The following SMIM9 variants were observed in gnomAD, a reference collection of about 807,000 sequenced individuals.
SMIM9 encodes the protein chromosome X open reading frame 68.
Under a neutral mutation model 7.2 loss-of-function variants are expected in SMIM9, and 8 were observed. The ratio of observed to expected loss-of-function variants is 1.10; its 90% CI spans 0.65 to 1.99. The LOEUF is 1.99. Among genes scored for constraint, SMIM9 ranks in the 30% most tolerant of loss-of-function variants. SMIM9 has a pLI of 0.00. For missense variants in SMIM9, 76 were observed against 69.3 expected, an observed-to-expected ratio of 1.10 and a Z score of -0.34; for synonymous variants, 19 against 26.4, an observed-to-expected ratio of 0.72 and a Z score of 0.86.
At chrX:154,825,012 T>C (rs977214674) in intron 4 of SMIM9, among the ~76,000 whole-genome samples, 3 of 112,312 alleles carry the variant, frequency 2.7e-5, no homozygotes, top group Non-Finnish European at 3.8e-5. Flanking sequence ...ATGTGCCCAG[T>C]AGCAAGTCCC....
intron 4 of SMIM9, 87 bp from the exon 5 acceptor site, chrX:154,823,869 G>A: frequency 1.1e-6 from 1 of 873,478 alleles, no homozygotes; most frequent in Non-Finnish European, 1.5e-6. Context: ...TTTGACACCA[G>A]TTTTTCTCTT....
chrX:154,825,177 C>G lies in SMIM9; in HGVS notation c.273-1395G>C, dbSNP rs782029855. On this transcript the variant is annotated intron_variant, in intron 4 of 4. Transcript: ENST00000369529. ...GGCCGAGGCGGGTGGATCACGAGAT[C>G]AGGAGTTCAAGACCAGCCTGACCAA... Among the ~76,000 whole-genome samples the G allele has an allele frequency of 1.1e-4, 12 of 111,482 alleles. No homozygotes were observed. The South Asian group carries it at 3.0e-3, about 28-fold the overall frequency.
At position 154,823,530 on chromosome X, in the gene SMIM9, G is replaced by T; in HGVS notation, c.*225C>A. The T allele has an allele frequency of 6.7e-6, 2 of 296,993 alleles. No homozygotes were observed. The highest frequency in any genetic ancestry group is 1.8e-4 in the South Asian group (1 of 5,550). The allele number at this position is 296,993 out of a possible 1,213,427, so 24.5% of individuals were successfully genotyped here. A position where few individuals can be genotyped will look rare whatever the true frequency, so the allele number is the denominator to read the frequency against. ...TCTCTGTATTTCTCAAATTTTTTTT[G>T]CAATAAATATGTATTACTATTATAA... On this transcript the variant is annotated 3_prime_UTR_variant, in exon 5 of 5. Coordinates refer to ENST00000369529, the MANE Select transcript of SMIM9 (RefSeq NM_001162936.4).
intron 4 of SMIM9, among the ~76,000 whole-genome samples, chrX:154,827,881 T>G (rs781854547): frequency 6.4e-4 from 72 of 112,004 alleles, no homozygotes; most frequent in African/African-American, 2.2e-3. Context: ...TGTCAGCTCA[T>G]TCAGAGTCTG....
intron 3 of SMIM9, 26 bp from the exon 4 acceptor site, chrX:154,829,690 T>A (rs1557270432): frequency 8.6e-7 from 1 of 1,163,203 alleles, no homozygotes; most frequent in Non-Finnish European, 1.1e-6. Context: ...AGACATTCAT[T>A]GAGGAGAGGT....
At chrX:154,827,265 T>A (rs1198759796) in intron 4 of SMIM9, 1 of 112,766 alleles carries the variant, frequency 8.9e-6, no homozygotes, top group Non-Finnish European at 1.9e-5. Context: ...ACCAGACATA[T>A]CTTGATTTGA....
rs201920434 is a variant in SMIM9 at position 154,834,200 on chromosome X, G to GAGCCC, written c.-210+358_-210+362dup. Among the ~76,000 whole-genome samples, 248 of 112,634 alleles carry GAGCCC rather than the reference G, an allele frequency of 2.2e-3. 7 individuals are homozygous for GAGCCC. In the East Asian group the frequency reaches 0.048, roughly 22 times the overall value. ...ATACACTGGAAGCCTGAAAAGAGAA[G>GAGCCC]AGCCCATGAAATGGACTAAAACCTG... is the stretch of plus-strand genomic sequence containing the variant. On this transcript the variant is annotated intron_variant, in intron 1 of 4. Transcript: ENST00000369529.
intron 4 of SMIM9, among the ~76,000 whole-genome samples, chrX:154,827,639 A>C (rs189650037): frequency 1.5e-4 from 17 of 112,794 alleles, no homozygotes; most frequent in African/African-American, 5.5e-4. Flanking sequence ...AGGAAGGTTA[A>C]GAATATAATG....
rs2072428466 is a variant in SMIM9 at position 154,827,927 on chromosome X, G to A, written c.272+1608C>T. On this transcript the variant is annotated intron_variant, in intron 4 of 4. Transcript: ENST00000369529. ...AGAGAGCTTCCATGTACTTTCTGGG[G>A]GCAGCCCACATCCAGTGAATGACTG... is the stretch of plus-strand genomic sequence containing the variant. Among the ~76,000 whole-genome samples, 3 of 111,748 alleles carry A rather than the reference G, an allele frequency of 2.7e-5. No individual in the cohort carries two copies. In the Admixed American group the frequency reaches 2.8e-4, roughly 11 times the overall value.
intron 4 of SMIM9, chrX:154,827,541 T>G (rs1026104706): frequency 3.6e-5 from 4 of 112,499 alleles, no homozygotes; most frequent in Admixed American, 9.4e-5. Flanking sequence ...TGCAAGACAT[T>G]TTATGGCTAG....
chrX:154,825,685 G>T (rs1404634095), intron 4 of SMIM9, among the ~76,000 whole-genome samples: 2 of 109,882 alleles, frequency 1.8e-5, no homozygotes, highest in Non-Finnish European at 3.8e-5. Context: ...GTCCATCAAT[G>T]ATAGACTGGA....
chrX:154,830,145 A>G (rs1361038512), intron 3 of SMIM9, among the ~76,000 whole-genome samples: 3 of 111,359 alleles, frequency 2.7e-5, no homozygotes, highest in African/African-American at 6.5e-5. Context: ...TTGCTGATCA[A>G]TGTAAGGCTG....
In SMIM9 at chrX:154,829,594, T is replaced by C. The variant is rs1557270418; in HGVS notation, c.213A>G (p.Pro71=). ...LWQLIKSALP[P]AAIVAFLLTS... is the part of the protein sequence containing the mutation. The stretch of plus-strand genomic sequence containing the variant: ...TGAGAAGAAAAGCAACAATGGCTGC[T>C]GGAGGTAAGGCACTCTTGATAAGTT... Residue 71 remains proline (P), a synonymous_variant, in exon 4 of 5, where the codon CCA becomes CCG. Coordinates refer to ENST00000369529, the MANE Select transcript of SMIM9 (RefSeq NM_001162936.4). The C allele has an allele frequency of 4.3e-6, 5 of 1,167,829 alleles. No homozygotes were observed. The highest frequency in any genetic ancestry group is 5.7e-6 in the Non-Finnish European group (5 of 872,930).
At chrX:154,825,706 G>T (rs1447458180) in intron 4 of SMIM9, among the ~76,000 whole-genome samples, 4 of 110,045 alleles carry the variant, frequency 3.6e-5, no homozygotes, top group Non-Finnish European at 7.6e-5. Context: ...TTAAGAAAAT[G>T]TGGCACATAT....
chrX:154,833,844 TCA>T (rs2072455091), intron 1 of SMIM9, among the ~76,000 whole-genome samples: 1 of 111,556 alleles, frequency 9.0e-6, no homozygotes, highest in African/African-American at 3.3e-5. Context: ...AAATGGTATC[TCA>T]GTTAGGTTCT....
At chrX:154,829,779 T>C (rs2072436857) in intron 3 of SMIM9, 115 bp from the exon 4 acceptor site, 3 of 804,975 alleles carry the variant, frequency 3.7e-6, no homozygotes, top group Non-Finnish European at 5.3e-6. Flanking sequence ...CTTACAGTTG[T>C]CCAGAGCCCA....
At chrX:154,830,601 T>G in intron 3 of SMIM9, 114 bp downstream of exon 3, 1 of 972,505 alleles carries the variant, frequency 1.0e-6, no homozygotes, top group Non-Finnish European at 1.4e-6. Context: ...CAGAATAGTT[T>G]GCTTTCCTAT....
intron 2 of SMIM9, among the ~76,000 whole-genome samples, chrX:154,831,203 C>T (rs781801601): frequency 8.9e-6 from 1 of 111,813 alleles, no homozygotes; most frequent in Non-Finnish European, 1.9e-5. Flanking sequence ...AACTCTTTCA[C>T]CTGTTCAGGC....
chrX:154,829,614 T>G lies in SMIM9; in HGVS notation c.193A>C (p.Ile65Leu). The G allele has an allele frequency of 1.7e-6, 2 of 1,166,955 alleles. No individual in the cohort carries two copies. The highest frequency in any genetic ancestry group is 2.3e-6 in the Non-Finnish European group (2 of 872,411). ...NNFRDYLWQL[I>L]KSALPPAAIV... ...GCTGCTGGAGGTAAGGCACTCTTGA[T>G]AAGTTGCCATAAGTAATCCCTGAAG... Residue 65 changes from isoleucine to leucine, a missense_variant, in exon 4 of 5, where the codon ATC (isoleucine) becomes CTC (leucine). By Grantham distance (5) the Ile-to-Leu change is conservative. Coordinates refer to ENST00000369529, the MANE Select transcript of SMIM9 (RefSeq NM_001162936.4).
Sources: allele counts gnomAD v4.1 joint callset (sites outside exome capture counted in the v4.1 genomes callset), GRCh38; gene constraint gnomAD v4.1.1; transcripts MANE v1.5; gene names NCBI Gene and HGNC (gene_info 2026-07-23, HGNC 2026-07-21).